Variants in GADL1 observed in about 807,000 individuals in gnomAD.
GADL1 encodes GAD like acidic amino acid decarboxylase 1.
Under a neutral mutation model 69.5 loss-of-function variants are expected in GADL1, and 71 were observed. The observed-to-expected ratio is 1.02, with a 90% confidence interval of 0.84 to 1.25. The LOEUF is 1.25. Ranked by LOEUF, GADL1 falls within the 50% of genes most tolerant of loss-of-function variation. The probability of loss-of-function intolerance (pLI) is 0.00; values close to 1 mark genes in which losing one functional copy is unlikely to be tolerated. For synonymous variants in GADL1, 254 were observed against 214.4 expected, an observed-to-expected ratio of 1.18 and a Z score of -1.62; for missense variants, 737 against 631.8, an observed-to-expected ratio of 1.17 and a Z score of -1.79.
intron 11 of GADL1, among the ~76,000 whole-genome samples, chr3:30,821,006 G>A (rs571074040): frequency 2.6e-5 from 4 of 152,142 alleles, no homozygotes; most frequent in African/African-American, 9.6e-5. Context: ...AAAATGATGA[G>A]TTCATGTCCT....
chr3:30,861,564 T>A (rs1344210666), intron 2 of GADL1, 29 bp downstream of exon 2: 2 of 1,503,172 alleles, frequency 1.3e-6, no homozygotes, highest in Admixed American at 4.2e-5. Context: ...TTCCCATTTC[T>A]GCAATTTCTT....
chr3:30,737,834 A>C (rs933953383), intron 14 of GADL1, among the ~76,000 whole-genome samples: 5 of 152,196 alleles, frequency 3.3e-5, no homozygotes, highest in African/African-American at 1.2e-4. Context: ...TGCCTCATTC[A>C]TGTTCTTTCC....
Position 30,726,689 on chromosome 3 carries a change from G to T in GADL1, c.*1553C>A, listed in dbSNP as rs1384944583. ...ACGAAAAGGTTATTGAATGTGCTAA[G>T]TCTAATGCTTTAACACTCTTCAATC... On this transcript the variant is annotated 3_prime_UTR_variant, in exon 15 of 15. Coordinates refer to ENST00000282538, the MANE Select transcript of GADL1 (RefSeq NM_207359.3). The T allele has an allele frequency of 6.6e-6, 1 of 152,078 alleles. No individual in the cohort carries two copies. Among genetic ancestry groups the T allele is most frequent in the Non-Finnish European group, 1.5e-5 (1 of 68,010 alleles). The allele number at this position is 152,078 out of a possible 1,614,324, so 9.4% of individuals were successfully genotyped here.
intron 11 of GADL1, among the ~76,000 whole-genome samples, chr3:30,814,109 A>G (rs1697412925): frequency 6.6e-6 from 1 of 152,172 alleles, no homozygotes; most frequent in Non-Finnish European, 1.5e-5. Context: ...ATCTCATTTA[A>G]TGTTATATTA....
chr3:30,754,385 A>G (rs1695912765), intron 14 of GADL1, among the ~76,000 whole-genome samples: 1 of 152,150 alleles, frequency 6.6e-6, no homozygotes, highest in Non-Finnish European at 1.5e-5. Flanking sequence ...TGTTGGGGCT[A>G]CATTCTGATA....
At chr3:30,864,504 C>A (rs1698368110) in intron 1 of GADL1, among the ~76,000 whole-genome samples, 1 of 151,948 alleles carries the variant, frequency 6.6e-6, no homozygotes. Flanking sequence ...ATAATTCACA[C>A]AATTATCTAG....
At chr3:30,842,846 AG>A (rs1312963329) in intron 8 of GADL1, among the ~76,000 whole-genome samples, 2 of 143,290 alleles carry the variant, frequency 1.4e-5, no homozygotes, top group African/African-American at 5.0e-5. Context: ...AAAAAAAAGT[AG>A]GACACACACC....
At chr3:30,801,208 T>C (rs990734080) in intron 11 of GADL1, 120 bp from the exon 12 acceptor site, 8 of 706,880 alleles carry the variant, frequency 1.1e-5, no homozygotes, top group Non-Finnish European at 1.7e-5. Context: ...CATCTCACTT[T>C]GACTGCCTTA....
chr3:30,879,641 C>T (rs980548224), intron 1 of GADL1, among the ~76,000 whole-genome samples: 2 of 151,946 alleles, frequency 1.3e-5, no homozygotes, highest in African/African-American at 4.8e-5. Flanking sequence ...ATGTGAATTT[C>T]TGCACTCGTC....
At chr3:30,790,016 A>G (rs908680479) in intron 12 of GADL1, among the ~76,000 whole-genome samples, 4 of 152,226 alleles carry the variant, frequency 2.6e-5, no homozygotes, top group African/African-American at 9.6e-5. Context: ...CTTTGCATTC[A>G]TAACTTGGCT....
At position 30,839,192 on chromosome 3, in the gene GADL1, G is replaced by T. The variant is rs1421428116; in HGVS notation, c.787-79C>A. ...CTGTAATAGCTGGAAAATATAAAGG[G>T]TTATGCATCCAGAGAGTTATTTGGG... On this transcript the variant is annotated intron_variant, in intron 8 of 14. Transcript: ENST00000282538. 6 of 869,298 alleles carry T rather than the reference G, an allele frequency of 6.9e-6. No homozygotes were observed. The East Asian group carries it at 8.7e-5, about 13-fold the overall frequency. The allele number at this position is 869,298 out of a possible 1,614,324, so 53.8% of individuals were successfully genotyped here.
intron 12 of GADL1, among the ~76,000 whole-genome samples, chr3:30,791,509 C>A (rs1696915176): frequency 6.6e-6 from 1 of 152,110 alleles, no homozygotes. Context: ...TATGGCTACA[C>A]AAAACTTGCA....
chr3:30,847,989 G>A (rs575492606), intron 6 of GADL1, among the ~76,000 whole-genome samples: 24 of 152,192 alleles, frequency 1.6e-4, no homozygotes, highest in South Asian at 1.2e-3. Flanking sequence ...GAATGAAAAA[G>A]GCAAAAGTAA....
chr3:30,791,780 G>C (rs558671307), intron 12 of GADL1, among the ~76,000 whole-genome samples: 9 of 152,088 alleles, frequency 5.9e-5, no homozygotes, highest in Admixed American at 4.6e-4. Context: ...GGTCATGGGA[G>C]GGACCTGGTA....
chr3:30,878,742 T>C (rs1698608002), intron 1 of GADL1, among the ~76,000 whole-genome samples: 1 of 152,078 alleles, frequency 6.6e-6, no homozygotes, highest in South Asian at 2.1e-4. Flanking sequence ...TTAAGCGTAT[T>C]GTGGTGCTAT....
At chr3:30,887,479 C>T (rs571639235) in intron 1 of GADL1, among the ~76,000 whole-genome samples, 114 of 152,252 alleles carry the variant, frequency 7.5e-4, no homozygotes, top group African/African-American at 2.6e-3. Flanking sequence ...TCAGCCCCTT[C>T]GCCATGTAAT....
chr3:30,756,871 T>C (rs1198333457), intron 14 of GADL1, among the ~76,000 whole-genome samples: 1 of 138,668 alleles, frequency 7.2e-6, no homozygotes, highest in Non-Finnish European at 1.5e-5. Context: ...ATAGGCTTGA[T>C]TGTGTTTAAA....
rs756221353 is a variant in GADL1, at chr3:30,800,849, AC to A, written c.1250+39del. ...CACACACACACACACACACACACAC[AC>A]AGAAAGAGAGAGAGAGAGAGAGAGA... On this transcript the variant is annotated intron_variant, in intron 12 of 14. Transcript: ENST00000282538. 2.0e-4 allele frequency: 259 copies of A among 1,281,016 alleles called. 1 individual carries two copies. The African/African-American group carries it at 4.8e-3, about 24-fold the overall frequency. The allele number at this position is 1,281,016 out of a possible 1,614,324, so 79.4% of individuals were successfully genotyped here.
intron 14 of GADL1, among the ~76,000 whole-genome samples, chr3:30,769,399 C>A (rs1696363734): frequency 1.3e-5 from 2 of 152,196 alleles, no homozygotes; most frequent in South Asian, 4.2e-4. Flanking sequence ...CACACACACA[C>A]CCAGATACCT....
Sources: allele counts gnomAD v4.1 joint callset (sites outside exome capture counted in the v4.1 genomes callset), GRCh38; gene constraint gnomAD v4.1.1; transcripts MANE v1.5; gene names NCBI Gene and HGNC (gene_info 2026-07-23, HGNC 2026-07-21).